Variants in ITGBL1 observed in about 807,000 individuals in gnomAD.
ITGBL1 encodes integrin subunit beta like 1, also known as integrin beta-like protein 1.
Under a neutral mutation model 68.5 loss-of-function variants are expected in ITGBL1, and 51 were observed. That is an observed-to-expected ratio of 0.74 (90% confidence interval 0.59 to 0.94). The LOEUF (loss-of-function observed/expected upper bound fraction) is 0.94, where lower values mean the gene tolerates loss of function less well. Ranked by LOEUF, ITGBL1 falls within the 40% of genes least tolerant of loss-of-function variation. ITGBL1 has a pLI of 0.00. For missense variants in ITGBL1, 649 were observed against 647.4 expected, an observed-to-expected ratio of 1.00 and a Z score of -0.03; for synonymous variants, 209 against 227.3, an observed-to-expected ratio of 0.92 and a Z score of 0.72.
chr13:101,560,564 CAG>C (rs1225758949), intron 2 of ITGBL1, among the ~76,000 whole-genome samples: 1 of 152,048 alleles, frequency 6.6e-6, no homozygotes, highest in African/African-American at 2.4e-5. Context: ...AAACAAGTAA[CAG>C]TGTATGTAGA....
At chr13:101,588,040 C>T (rs909779689) in intron 6 of ITGBL1, among the ~76,000 whole-genome samples, 3 of 152,154 alleles carry the variant, frequency 2.0e-5, no homozygotes, top group African/African-American at 4.8e-5. Context: ...TGTGCTGAAA[C>T]ACCTGCACCT....
intron 7 of ITGBL1, among the ~76,000 whole-genome samples, chr13:101,612,198 TG>T (rs2031162132): frequency 6.6e-6 from 1 of 152,228 alleles, no homozygotes; most frequent in Non-Finnish European, 1.5e-5. Flanking sequence ...ATTCATGCCA[TG>T]TGGATGTTGG....
At chr13:101,616,327 G>T (rs1479216128) in intron 7 of ITGBL1, among the ~76,000 whole-genome samples, 1 of 152,150 alleles carries the variant, frequency 6.6e-6, no homozygotes, top group Non-Finnish European at 1.5e-5. Context: ...GGTAGGATGG[G>T]AGTCTTTATT....
intron 7 of ITGBL1, among the ~76,000 whole-genome samples, chr13:101,643,127 G>A (rs2139434773): frequency 6.6e-6 from 1 of 151,882 alleles, no homozygotes; most frequent in South Asian, 2.1e-4. Flanking sequence ...TGATGGGGAT[G>A]GCATTGGATC....
At chr13:101,526,585 A>G (rs1447316767) in intron 2 of ITGBL1, among the ~76,000 whole-genome samples, 1 of 152,004 alleles carries the variant, frequency 6.6e-6, no homozygotes, top group Non-Finnish European at 1.5e-5. Context: ...ACACAGGAAT[A>G]GAAAGCCAAA....
At chr13:101,649,068 T>C (rs1047085095) in intron 7 of ITGBL1, among the ~76,000 whole-genome samples, 11 of 152,170 alleles carry the variant, frequency 7.2e-5, no homozygotes, top group Admixed American at 5.2e-4. Flanking sequence ...ACACTTTTAT[T>C]CTTAATAAAG....
chr13:101,544,928 C>T (rs890596530), intron 2 of ITGBL1, among the ~76,000 whole-genome samples: 14 of 152,300 alleles, frequency 9.2e-5, no homozygotes, highest in South Asian at 4.1e-4. Flanking sequence ...AAAAGTGACC[C>T]GATTTTCCAG....
chr13:101,599,735 T>C (rs2030236415), intron 7 of ITGBL1, among the ~76,000 whole-genome samples: 1 of 152,226 alleles, frequency 6.6e-6, no homozygotes, highest in African/African-American at 2.4e-5. Context: ...TTGTCAAAGA[T>C]CAAATAGTTG....
intron 2 of ITGBL1, among the ~76,000 whole-genome samples, chr13:101,480,771 G>T (rs572429818): frequency 6.6e-6 from 1 of 152,060 alleles, no homozygotes. Context: ...TATTAGAGAA[G>T]TACAAAGTGC....
intron 6 of ITGBL1, among the ~76,000 whole-genome samples, chr13:101,590,080 A>G (rs1368984298): frequency 6.6e-6 from 1 of 152,226 alleles, no homozygotes; most frequent in African/African-American, 2.4e-5. Flanking sequence ...AAGACCGCCA[A>G]AGATTTCTTC....
intron 7 of ITGBL1, among the ~76,000 whole-genome samples, chr13:101,625,623 G>A (rs952167816): frequency 3.3e-5 from 5 of 151,968 alleles, no homozygotes; most frequent in Non-Finnish European, 5.9e-5. Flanking sequence ...CACGATCTAG[G>A]CTCACCGCAA....
chr13:101,611,305 C>T (rs140928942), intron 7 of ITGBL1, among the ~76,000 whole-genome samples: 85 of 152,206 alleles, frequency 5.6e-4, no homozygotes, highest in Admixed American at 3.3e-3. Flanking sequence ...CTGAATTTAG[C>T]GAGATTCAAG....
At chr13:101,689,494 G>C (rs893619432) in intron 7 of ITGBL1, among the ~76,000 whole-genome samples, 4 of 151,390 alleles carry the variant, frequency 2.6e-5, no homozygotes, top group South Asian at 2.1e-4. Context: ...AGTCCCAACT[G>C]CTCAGGAGGC....
intron 7 of ITGBL1, among the ~76,000 whole-genome samples, chr13:101,644,508 C>G (rs892749240): frequency 6.6e-5 from 10 of 152,120 alleles, no homozygotes; most frequent in Admixed American, 4.6e-4. Context: ...TATAACTACT[C>G]TATACTCACA....
chr13:101,588,399 C>T (rs1267217312), intron 6 of ITGBL1, among the ~76,000 whole-genome samples: 1 of 152,024 alleles, frequency 6.6e-6, no homozygotes, highest in Non-Finnish European at 1.5e-5. Flanking sequence ...AGACAAACAG[C>T]ACCATGCCGA....
intron 7 of ITGBL1, among the ~76,000 whole-genome samples, chr13:101,599,733 G>A (rs970277645): frequency 2.6e-5 from 4 of 152,190 alleles, no homozygotes; most frequent in African/African-American, 9.7e-5. Context: ...GTTTGTCAAA[G>A]ATCAAATAGT....
chr13:101,468,712 T>G (rs907004125), intron 2 of ITGBL1, among the ~76,000 whole-genome samples: 8 of 152,210 alleles, frequency 5.3e-5, no homozygotes, highest in Non-Finnish European at 1.0e-4. Flanking sequence ...AGAGAGTGCA[T>G]GTAAAAGCTC....
intron 7 of ITGBL1, among the ~76,000 whole-genome samples, chr13:101,640,620 T>TA (rs2032329965): frequency 6.6e-6 from 1 of 152,190 alleles, no homozygotes; most frequent in African/African-American, 2.4e-5. Context: ...TATTTTATTT[T>TA]AAAACCTTCA....
intron 2 of ITGBL1, among the ~76,000 whole-genome samples, chr13:101,496,331 G>GT (rs1566701705): frequency 6.6e-6 from 1 of 152,126 alleles, no homozygotes; most frequent in Non-Finnish European, 1.5e-5. Flanking sequence ...CTCTGATCCT[G>GT]TAAGTCATTT....
Sources: allele counts gnomAD v4.1 joint callset (sites outside exome capture counted in the v4.1 genomes callset), GRCh38; gene constraint gnomAD v4.1.1; transcripts MANE v1.5; gene names NCBI Gene and HGNC (gene_info 2026-07-23, HGNC 2026-07-21).